The following GKAP1 variants were observed in gnomAD, a reference collection of about 807,000 sequenced individuals.
GKAP1 encodes G kinase-anchoring protein 1.
A neutral mutation model predicts 56.7 loss-of-function variants in GKAP1; 31 were observed. The observed-to-expected ratio is 0.55, with a 90% CI of 0.41 to 0.74. The LOEUF is 0.74. Ranked by LOEUF, GKAP1 falls within the 30% of genes least tolerant of loss-of-function variation. The probability of loss-of-function intolerance (pLI) is 0.00; values close to 1 mark genes in which losing one functional copy is unlikely to be tolerated. For missense variants in GKAP1, 364 were observed against 402.3 expected, an observed-to-expected ratio of 0.90 and a Z score of 0.82; for synonymous variants, 151 against 138.6, an observed-to-expected ratio of 1.09 and a Z score of -0.63.
At chr9:83,780,976 A>G (rs558443796) in intron 6 of GKAP1, among the ~76,000 whole-genome samples, 1 of 152,350 alleles carries the variant, frequency 6.6e-6, no homozygotes, top group East Asian at 1.9e-4. Context: ...TAACAAATAC[A>G]TCTAGATGAA....
chr9:83,787,043 T>C (rs1207728110), intron 5 of GKAP1, among the ~76,000 whole-genome samples: 1 of 152,226 alleles, frequency 6.6e-6, no homozygotes, highest in Non-Finnish European at 1.5e-5. Flanking sequence ...TAAAACTAGC[T>C]GTATCAATTT....
At chr9:83,786,194 G>C (rs938017141) in intron 5 of GKAP1, among the ~76,000 whole-genome samples, 5 of 152,150 alleles carry the variant, frequency 3.3e-5, no homozygotes, top group African/African-American at 1.2e-4. Context: ...CACTCAAGGG[G>C]CACACTTTGG....
chr9:83,791,610 G>T (rs965137234), intron 4 of GKAP1, among the ~76,000 whole-genome samples: 2 of 152,200 alleles, frequency 1.3e-5, no homozygotes, highest in East Asian at 1.9e-4. Context: ...TTCATTGTAT[G>T]ACCAATCAGC....
chr9:83,775,874 CAAAAAAAAA>C (rs55669011), intron 7 of GKAP1, among the ~76,000 whole-genome samples: 7 of 43,710 alleles, frequency 1.6e-4, no homozygotes, highest in Non-Finnish European at 2.3e-4. Context: ...GACTCTGTCT[CAAAAAAAAA>C]AAAAAAAAAA....
At chr9:83,754,806 T>C (rs963862714) in intron 8 of GKAP1, among the ~76,000 whole-genome samples, 10 of 152,308 alleles carry the variant, frequency 6.6e-5, no homozygotes, top group African/African-American at 2.4e-4. Context: ...ACAGGACTGC[T>C]AGGTTAGATT....
intron 7 of GKAP1, among the ~76,000 whole-genome samples, chr9:83,774,500 G>A (rs1240141762): frequency 6.6e-6 from 1 of 151,358 alleles, no homozygotes; most frequent in Non-Finnish European, 1.5e-5. Flanking sequence ...CTGCTGTGGT[G>A]GGAGGATTGC....
rs756853935 is a variant in GKAP1, at chr9:83,748,363, T to G, written c.850A>C (p.Lys284Gln). 1.9e-6 allele frequency: 3 copies of G among 1,576,212 alleles called. No individual in the cohort carries two copies. Among genetic ancestry groups the G allele is most frequent in the Non-Finnish European group, 2.6e-6 (3 of 1,156,486 alleles). ...TGTGCATTTCTTGCCTTTACTTCCT[T>G]ATACTTTGCCTAATAGTCAAAGAAA... The part of the protein sequence containing the change: ...NVITQWEAKY[K>Q]EVKARNAQLL... Residue 284 changes from lysine (K) to glutamine (Q), a missense_variant, in exon 10 of 13, where the codon AAG (lysine) becomes CAG (glutamine). Coordinates refer to ENST00000376371, the MANE Select transcript of GKAP1 (RefSeq NM_025211.4).
At chr9:83,756,498 C>G (rs1054505838) in intron 8 of GKAP1, among the ~76,000 whole-genome samples, 8 of 127,030 alleles carry the variant, frequency 6.3e-5, no homozygotes, top group Admixed American at 5.1e-4. Flanking sequence ...AAAAAGAAAA[C>G]AAAACAAAAA....
At chr9:83,793,031 AT>A in intron 4 of GKAP1, 1 of 1,269,476 alleles carries the variant, frequency 7.9e-7, no homozygotes, top group Non-Finnish European at 1.0e-6. Flanking sequence ...GTAGTAAAAC[AT>A]TTTTTCTTCT....
In GKAP1 at chr9:83,792,167, A is replaced by G. The variant is rs544843019; in HGVS notation, c.361-3489T>C. On this transcript the variant is annotated intron_variant, in intron 4 of 12. Transcript: ENST00000376371. ...AAGGACATTGGAATATCAACTGTAC[A>G]AGGTAGTTTTAAGGACTTAAAGTTG... Among the ~76,000 whole-genome samples the G allele has an allele frequency of 2.0e-5, 3 of 152,356 alleles. No homozygotes were observed. In the East Asian group the frequency reaches 5.8e-4, roughly 29 times the overall value.
At chr9:83,752,486 G>GTA (rs1327805851) in intron 9 of GKAP1, among the ~76,000 whole-genome samples, 5 of 152,098 alleles carry the variant, frequency 3.3e-5, no homozygotes, top group African/African-American at 9.7e-5. Context: ...GATAAACACT[G>GTA]TATGATTCCA....
intron 7 of GKAP1, among the ~76,000 whole-genome samples, chr9:83,779,036 ATAGAGTTGTCT>A (rs1943909118): frequency 6.6e-6 from 1 of 152,034 alleles, no homozygotes; most frequent in Non-Finnish European, 1.5e-5. Flanking sequence ...CAAACAGTTT[ATAGAGTTGTCT>A]TAGGAGCAGG....
chr9:83,778,482 G>T (rs1008317012), intron 7 of GKAP1, among the ~76,000 whole-genome samples: 3 of 151,952 alleles, frequency 2.0e-5, no homozygotes, highest in Non-Finnish European at 2.9e-5. Context: ...CTTTAAGTGG[G>T]AACTAAATAA....
chr9:83,815,748 A>G (rs1017556293), intron 2 of GKAP1, among the ~76,000 whole-genome samples: 1 of 152,244 alleles, frequency 6.6e-6, no homozygotes, highest in African/African-American at 2.4e-5. Context: ...TCACTGAAAT[A>G]TAACTTAGAT....
chr9:83,781,074 C>T (rs1171655170), intron 6 of GKAP1, among the ~76,000 whole-genome samples: 2 of 152,018 alleles, frequency 1.3e-5, no homozygotes, highest in Admixed American at 1.3e-4. Flanking sequence ...ATCTAAAGTA[C>T]AAATAAGGCC....
chr9:83,803,245 CCCCTCTCCCTCTCGGTCT>C (rs908626436), intron 3 of GKAP1, among the ~76,000 whole-genome samples: 35 of 151,028 alleles, frequency 2.3e-4, no homozygotes, highest in African/African-American at 8.2e-4. Context: ...TCTCCCCTCT[CCCCTCTCCCTCTCGGTCT>C]CCCTCTCCCT....
rs572364391 is a variant in GKAP1, at chr9:83,804,124, G to C, written c.216+2178C>G. Among the ~76,000 whole-genome samples, 55 of 148,310 alleles carry C rather than the reference G, an allele frequency of 3.7e-4. 1 individual carries two copies. In the South Asian group the frequency reaches 0.012, roughly 32 times the overall value. On this transcript the variant is annotated intron_variant, in intron 3 of 12. Transcript: ENST00000376371. Reference sequence around the variant, plus strand: ...GCCGCCCCGTCCGGGAGGGAGGTAGGGGGGTCAGCCCCCCGCACGGCCAGC... The same window carrying C: ...GCCGCCCCGTCCGGGAGGGAGGTAGCGGGGTCAGCCCCCCGCACGGCCAGC...
intron 5 of GKAP1, among the ~76,000 whole-genome samples, 154 bp downstream of exon 5, chr9:83,788,447 C>A (rs1437036474): frequency 6.6e-6 from 1 of 151,992 alleles, no homozygotes; most frequent in Non-Finnish European, 1.5e-5. Flanking sequence ...GAGAAGGAAT[C>A]CTATTATAAA....
In GKAP1 at chr9:83,765,874, A is replaced by C. The variant is rs1349043332; in HGVS notation, c.738+2944T>G. 2.6e-5 allele frequency among the ~76,000 whole-genome samples: 4 copies of C among 152,340 alleles called. 1 individual carries two copies. The highest frequency in any genetic ancestry group is 9.6e-5 in the African/African-American group (4 of 41,584). ...AGGCAGAAGGGACTTGCCTTATCTC[A>C]GATGAAACTTTAGACTTGGACTTCT... On this transcript the variant is annotated intron_variant, in intron 8 of 12. Transcript: ENST00000376371.
Sources: gnomAD v4.1 joint callset for allele counts (sites outside exome capture counted in the v4.1 genomes callset) on GRCh38, gnomAD v4.1.1 for gene constraint, MANE v1.5 for transcripts, NCBI Gene and HGNC (gene_info 2026-07-23, HGNC 2026-07-21) for gene names.